The following RBM23 variants were observed in gnomAD, a reference collection of about 807,000 sequenced individuals.
RBM23 encodes RNA binding motif protein 23.
RBM23 carries 53 observed loss-of-function variants against 56.2 expected under a neutral mutation model. The observed-to-expected ratio is 0.94, with a 90% CI of 0.76 to 1.19. RBM23 has a LOEUF of 1.19. Ranked by LOEUF, RBM23 falls within the 50% of genes most tolerant of loss-of-function variation. The pLI, the probability that RBM23 is intolerant of heterozygous loss-of-function variation, is 0.00. For synonymous variants in RBM23, 197 were observed against 198.5 expected (o/e 0.99, Z 0.06); for missense variants, 642 against 590.3 (o/e 1.09, Z -0.91).
At position 22,901,724 on chromosome 14, in the gene RBM23, A is replaced by G; in HGVS notation, c.*6T>C. Reference sequence around the variant, plus strand: ...GCACAAGGAGGCAGTATACTGTGCCACTGATTTACCTGTGGAAAGAAGAGG... The same window carrying G: ...GCACAAGGAGGCAGTATACTGTGCCGCTGATTTACCTGTGGAAAGAAGAGG... On this transcript the variant is annotated 3_prime_UTR_variant, in exon 14 of 14. Coordinates refer to ENST00000359890, the MANE Select transcript of RBM23 (RefSeq NM_001077351.2). The G allele has an allele frequency of 6.2e-7, 1 of 1,613,148 alleles. No individual in the cohort carries two copies. Among genetic ancestry groups the G allele is most frequent in the Non-Finnish European group, 8.5e-7 (1 of 1,179,036 alleles).
chr14:22,900,569 A>G lies in RBM23; in HGVS notation c.*1161T>C, dbSNP rs1392031282. ...CAACCATAGATCAACAGTGTAATGC[A>G]GATACAGAATGGGAACCCCACCCAG... On this transcript the variant is annotated 3_prime_UTR_variant, in exon 14 of 14. Coordinates refer to ENST00000359890, the MANE Select transcript of RBM23 (RefSeq NM_001077351.2). The G allele has an allele frequency of 6.6e-6, 1 of 152,198 alleles. No individual in the cohort carries two copies. Among genetic ancestry groups the G allele is most frequent in the African/African-American group, 2.4e-5 (1 of 41,430 alleles). 9.4% of individuals were successfully genotyped at this position (152,198 alleles called of 1,614,324 possible).
chr14:22,912,887 C>T (rs1171865522), intron 1 of RBM23, among the ~76,000 whole-genome samples: 2 of 149,934 alleles, frequency 1.3e-5, no homozygotes, highest in African/African-American at 4.9e-5. Context: ...GTAGGCCCAG[C>T]TACTCGGGAG....
chr14:22,912,225 T>C (rs1224689271), intron 1 of RBM23, among the ~76,000 whole-genome samples: 1 of 152,136 alleles, frequency 6.6e-6, no homozygotes, highest in Non-Finnish European at 1.5e-5. Flanking sequence ...AATAAAAAGA[T>C]AAAGAGGCAC....
intron 10 of RBM23, chr14:22,904,013 G>A (rs1453676950): frequency 5.6e-6 from 8 of 1,432,346 alleles, no homozygotes; most frequent in Non-Finnish European, 7.3e-6. Flanking sequence ...CCAAGTTGCA[G>A]CACCAGGGAA....
At chr14:22,908,312 G>T in intron 4 of RBM23, 21 bp downstream of exon 4, 1 of 1,549,332 alleles carries the variant, frequency 6.5e-7, no homozygotes, top group Non-Finnish European at 8.7e-7. Flanking sequence ...GAGCCACTGT[G>T]CCTGGCCCAG....
At chr14:22,918,096 T>TA (rs1389665648) in intron 1 of RBM23, among the ~76,000 whole-genome samples, 2 of 152,062 alleles carry the variant, frequency 1.3e-5, no homozygotes, top group Non-Finnish European at 2.9e-5. Context: ...TGTGTAGCTT[T>TA]AAAAAATGGT....
At chr14:22,910,734 C>T (rs192341066) in intron 2 of RBM23, among the ~76,000 whole-genome samples, 140 of 151,640 alleles carry the variant, frequency 9.2e-4, no homozygotes, top group African/African-American at 3.0e-3. Context: ...GAAACTGGGA[C>T]GGGCGCAGTG....
intron 1 of RBM23, among the ~76,000 whole-genome samples, chr14:22,914,813 T>A (rs369499368): frequency 3.8e-4 from 57 of 151,776 alleles, no homozygotes; most frequent in African/African-American, 1.4e-3. Flanking sequence ...TGAAACCTCA[T>A]CCCCATTAAA....
At chr14:22,907,518 T>G (rs1191091084) in intron 4 of RBM23, among the ~76,000 whole-genome samples, 1 of 152,218 alleles carries the variant, frequency 6.6e-6, no homozygotes, top group Non-Finnish European at 1.5e-5. Context: ...ACTGATTTGA[T>G]CTTTACAAAT....
intron 1 of RBM23, among the ~76,000 whole-genome samples, chr14:22,918,462 G>C (rs1485547418): frequency 6.6e-6 from 1 of 152,108 alleles, no homozygotes; most frequent in Non-Finnish European, 1.5e-5. Flanking sequence ...CAGTGTCCCA[G>C]GGCTCAATCT....
chr14:22,919,110 G>C lies in RBM23; in HGVS notation c.-122C>G, dbSNP rs568469105. 32 of 152,370 alleles carry C rather than the reference G, an allele frequency of 2.1e-4. No homozygotes were observed. Among genetic ancestry groups the C allele is most frequent in the African/African-American group, 7.0e-4 (29 of 41,560 alleles). The allele number at this position is 152,370 out of a possible 1,614,324, so 9.4% of individuals were successfully genotyped here. The stretch of plus-strand genomic sequence containing the variant: ...TCTAGGCAAGAAAAGCAGCACTGCA[G>C]GTACAGAGCCTCCTCTTCCCGCAAA... On this transcript the variant is annotated 5_prime_UTR_variant, in exon 1 of 14. Coordinates refer to ENST00000359890, the MANE Select transcript of RBM23 (RefSeq NM_001077351.2).
intron 1 of RBM23, among the ~76,000 whole-genome samples, chr14:22,918,402 A>T (rs2043956258): frequency 6.6e-6 from 1 of 151,090 alleles, no homozygotes; most frequent in South Asian, 2.1e-4. Flanking sequence ...TAAAAAAATA[A>T]AAAAAAAGAG....
At chr14:22,903,198 G>A (rs2040922869) in intron 10 of RBM23, 4 of 985,554 alleles carry the variant, frequency 4.1e-6, no homozygotes, top group Non-Finnish European at 4.8e-6. Flanking sequence ...AAGAGCTGTT[G>A]ACTAAGTGAC....
chr14:22,916,577 A>T (rs2043545153), intron 1 of RBM23, among the ~76,000 whole-genome samples: 1 of 151,666 alleles, frequency 6.6e-6, no homozygotes, highest in Admixed American at 6.6e-5. Context: ...CTAATTCTTG[A>T]TCAGAAAGGT....
At position 22,906,404 on chromosome 14, in the gene RBM23, A is replaced by G. The variant is rs761244008; in HGVS notation, c.228-36T>C. On this transcript the variant is annotated intron_variant, in intron 4 of 13. Transcript: ENST00000359890. ...AAACAACTACAGTCATGCCCACATC[A>G]TGTTTAGGCCAACAACCAAGTGCAT... The G allele has an allele frequency of 1.0e-5, 16 of 1,607,490 alleles. No individual in the cohort carries two copies. The South Asian group carries it at 1.6e-4, about 17-fold the overall frequency.
At chr14:22,907,966 T>C (rs2041853140) in intron 4 of RBM23, among the ~76,000 whole-genome samples, 1 of 152,160 alleles carries the variant, frequency 6.6e-6, no homozygotes, top group South Asian at 2.1e-4. Context: ...TAAAGAAAAC[T>C]TGTAGAGTTG....
chr14:22,905,290 G>C, intron 7 of RBM23, 44 bp from the exon 8 acceptor site: 1 of 1,613,846 alleles, frequency 6.2e-7, no homozygotes, highest in South Asian at 1.1e-5. Flanking sequence ...CATAAAGGGA[G>C]ATACAAGCTA....
At position 22,899,118 on chromosome 14, in the gene RBM23, AT is replaced by A. The variant is rs1246582626; in HGVS notation, c.*2611del. 5 of 152,194 alleles carry A rather than the reference AT, an allele frequency of 3.3e-5. No individual in the cohort carries two copies. The highest frequency in any genetic ancestry group is 7.3e-5 in the Non-Finnish European group (5 of 68,038). 9.4% of individuals were successfully genotyped at this position (152,194 alleles called of 1,614,324 possible). A position where few individuals can be genotyped will look rare whatever the true frequency, so the allele number is the denominator to read the frequency against. On this transcript the variant is annotated 3_prime_UTR_variant, in exon 14 of 14. Coordinates refer to ENST00000359890, the MANE Select transcript of RBM23 (RefSeq NM_001077351.2). ...TGTCCCCCAAAAGTTCACATTGGAA[AT>A]TTGACTCCCAATGCAACAGTGTTGA...
In RBM23 at chr14:22,896,278, C is replaced by T. The variant is rs756596764; in HGVS notation, c.*5452G>A. ...ATGAAGTGTGAGAGAAGTGAAGTAA[C>T]CTACCCAAGCTTATTCAGCTAGTTT... is the stretch of plus-strand genomic sequence containing the variant. On this transcript the variant is annotated 3_prime_UTR_variant, in exon 14 of 14. Transcript: ENST00000359890. 6.6e-6 allele frequency: 1 copy of T among 152,150 alleles called. No individual in the cohort carries two copies. The highest frequency in any genetic ancestry group is 1.5e-5 in the Non-Finnish European group (1 of 68,026). 9.4% of individuals were successfully genotyped at this position (152,150 alleles called of 1,614,324 possible). A position where few individuals can be genotyped will look rare whatever the true frequency, so the allele number is the denominator to read the frequency against.
Sources: gnomAD v4.1 joint callset for allele counts (sites outside exome capture counted in the v4.1 genomes callset) on GRCh38, gnomAD v4.1.1 for gene constraint, MANE v1.5 for transcripts, NCBI Gene and HGNC (gene_info 2026-07-23, HGNC 2026-07-21) for gene names.